PRKD3: variants seen among roughly 807,000 people sequenced by gnomAD.
PRKD3 encodes serine/threonine-protein kinase D3.
Under a neutral mutation model 99.2 loss-of-function variants are expected in PRKD3, and 47 were observed. The observed-to-expected ratio is 0.47, with a 90% CI of 0.38 to 0.60. PRKD3 has a LOEUF of 0.60. Among genes scored for constraint, PRKD3 ranks in the 20% least tolerant of loss-of-function variants. The pLI, the probability that PRKD3 is intolerant of heterozygous loss-of-function variation, is 0.00. For missense variants in PRKD3, 1,019 were observed against 1,088.4 expected, an observed-to-expected ratio of 0.94 and a Z score of 0.90; for synonymous variants, 392 against 355.4, an observed-to-expected ratio of 1.10 and a Z score of -1.16.
chr2:37,254,164 C>T (rs754914117), intron 18 of PRKD3, 40 bp downstream of exon 18: 5 of 1,465,158 alleles, frequency 3.4e-6, no homozygotes, highest in Non-Finnish European at 4.8e-6. Flanking sequence ...GTGAACTACT[C>T]AAATGAGGAT....
At chr2:37,262,737 A>G (rs1668561591) in intron 14 of PRKD3, among the ~76,000 whole-genome samples, 1 of 152,180 alleles carries the variant, frequency 6.6e-6, no homozygotes, top group African/African-American at 2.4e-5. Context: ...GTATGCTGTA[A>G]CATTATTTTT....
intron 2 of PRKD3, among the ~76,000 whole-genome samples, chr2:37,304,196 T>TAAAAAAAAAAA (rs70949750): frequency 1.1e-5 from 1 of 93,972 alleles, no homozygotes; most frequent in African/African-American, 4.1e-5. Flanking sequence ...AGGTACTTAC[T>TAAAAAAAAAAA]AAAAAAAAAA....
chr2:37,284,481 TG>T (rs1669995862), intron 6 of PRKD3, among the ~76,000 whole-genome samples: 1 of 152,224 alleles, frequency 6.6e-6, no homozygotes, highest in African/African-American at 2.4e-5. Flanking sequence ...GTTTCTGTTC[TG>T]CTTAGCAGAG....
chr2:37,292,877 G>A (rs958629468), intron 3 of PRKD3: 3 of 268,052 alleles, frequency 1.1e-5, no homozygotes, highest in African/African-American at 4.4e-5. Context: ...AAACTCCTGA[G>A]ATAAGCAATC....
At chr2:37,258,541 A>G (rs1341657401) in intron 16 of PRKD3, among the ~76,000 whole-genome samples, 10 of 152,226 alleles carry the variant, frequency 6.6e-5, no homozygotes, top group Non-Finnish European at 1.5e-4. Flanking sequence ...TCACTAAAAT[A>G]GAGGTCAGAA....
chr2:37,285,158 C>T (rs1332596215), intron 6 of PRKD3, among the ~76,000 whole-genome samples: 1 of 152,192 alleles, frequency 6.6e-6, no homozygotes, highest in Non-Finnish European at 1.5e-5. Flanking sequence ...AGTTAGACTA[C>T]TTATATCCTA....
chr2:37,290,486 G>C (rs1043672035), intron 4 of PRKD3, among the ~76,000 whole-genome samples: 3 of 152,108 alleles, frequency 2.0e-5, no homozygotes, highest in Non-Finnish European at 4.4e-5. Flanking sequence ...CACCAGCCTC[G>C]GCATCCCAAA....
At chr2:37,281,884 T>C (rs539563077) in intron 7 of PRKD3, among the ~76,000 whole-genome samples, 2 of 152,264 alleles carry the variant, frequency 1.3e-5, no homozygotes, top group East Asian at 3.9e-4. Context: ...GAGTCCTTAC[T>C]GCTTCCTTCC....
intron 1 of PRKD3, among the ~76,000 whole-genome samples, chr2:37,319,696 T>C (rs1265567876): frequency 1.3e-5 from 2 of 152,212 alleles, no homozygotes; most frequent in East Asian, 3.9e-4. Flanking sequence ...TCCTTGTTAC[T>C]CAGCCTATAT....
chr2:37,316,508 G>C lies in PRKD3; in HGVS notation c.17C>G (p.Ser6Cys), dbSNP rs1208579075. The C allele has an allele frequency of 6.2e-7, 1 of 1,613,058 alleles. No individual in the cohort carries two copies. The highest frequency in any genetic ancestry group is 1.3e-5 in the African/African-American group (1 of 74,882). The change falls in exon 2 of 19, where the codon TCC becomes TGC. Residue 6 changes from serine to cysteine, a missense_variant. Physicochemically the swap from Ser to Cys is moderately radical, Grantham distance 112. Coordinates refer to ENST00000234179, the MANE Select transcript of PRKD3 (RefSeq NM_005813.6). MSANN[S>C]PPSAQKSVLP... ...TACAGACTTCTGGGCTGATGGAGGG[G>C]AATTATTTGCAGACATCTGCCTTTC...
intron 2 of PRKD3, among the ~76,000 whole-genome samples, chr2:37,294,324 A>G (rs1490329619): frequency 6.6e-6 from 1 of 152,108 alleles, no homozygotes; most frequent in East Asian, 1.9e-4. Context: ...TTGAACTTCT[A>G]GACTCAAGTG....
At chr2:37,277,272 T>C (rs1337411729) in intron 9 of PRKD3, among the ~76,000 whole-genome samples, 1 of 152,168 alleles carries the variant, frequency 6.6e-6, no homozygotes, top group Non-Finnish European at 1.5e-5. Context: ...ATGCCAATTT[T>C]ACACAAGGAA....
intron 2 of PRKD3, among the ~76,000 whole-genome samples, chr2:37,295,187 T>C (rs1367984746): frequency 6.6e-6 from 1 of 152,178 alleles, no homozygotes; most frequent in Non-Finnish European, 1.5e-5. Context: ...CCCCACAGTT[T>C]GTAAAGACAG....
At chr2:37,279,573 G>A (rs1205687192) in intron 8 of PRKD3, among the ~76,000 whole-genome samples, 173 bp downstream of exon 8, 2 of 151,474 alleles carry the variant, frequency 1.3e-5, no homozygotes, top group African/African-American at 4.9e-5. Flanking sequence ...TGGATGGCAA[G>A]GGTGATATAA....
At chr2:37,301,206 A>T (rs17481834) in intron 2 of PRKD3, among the ~76,000 whole-genome samples, 1 of 152,112 alleles carries the variant, frequency 6.6e-6, no homozygotes, top group African/African-American at 2.4e-5. Flanking sequence ...CCTGAACAAC[A>T]TATCAAAAAA....
At chr2:37,295,526 C>T (rs918454735) in intron 2 of PRKD3, among the ~76,000 whole-genome samples, 2 of 152,134 alleles carry the variant, frequency 1.3e-5, no homozygotes, top group Non-Finnish European at 2.9e-5. Context: ...GCACAGGGAA[C>T]CCCACTGGCA....
intron 18 of PRKD3, 129 bp from the exon 19 acceptor site, chr2:37,253,479 G>T: frequency 1.4e-6 from 1 of 696,252 alleles, no homozygotes. Flanking sequence ...CTACTCATAA[G>T]TATCTACTAT....
intron 1 of PRKD3, 70 bp from the exon 2 acceptor site, chr2:37,317,249 TA>T (rs1400766362): frequency 1.4e-6 from 1 of 709,270 alleles, no homozygotes; most frequent in East Asian, 1.3e-4. Context: ...AATAAGAACA[TA>T]ACTTTTTTAA....
Position 37,267,523 on chromosome 2 carries a change from C to CT in PRKD3, c.1790dup (p.Thr598AspfsTer8). 6.2e-7 allele frequency: 1 copy of CT among 1,606,038 alleles called. No individual in the cohort carries two copies. The highest frequency in any genetic ancestry group is 1.3e-5 in the African/African-American group (1 of 74,664). ...CTTTAATAGCCACATCCCTCCCAGT[C>CT]TTTCTATGTTTTCCTATTAAGAAAA... On this transcript the variant is annotated frameshift_variant, in exon 14 of 19. Transcript: ENST00000234179. LOFTEE classifies it high-confidence loss of function.
Sources: allele counts gnomAD v4.1 joint callset (sites outside exome capture counted in the v4.1 genomes callset), GRCh38; gene constraint gnomAD v4.1.1; transcripts MANE v1.5; gene names NCBI Gene and HGNC (gene_info 2026-07-23, HGNC 2026-07-21).